SCN9A: variants seen among roughly 807,000 people sequenced by gnomAD.
SCN9A encodes the protein sodium voltage-gated channel alpha subunit 9, also known as sodium channel protein type 9 subunit alpha.
A neutral mutation model predicts 187.0 loss-of-function variants in SCN9A; 131 were observed. That is an observed-to-expected ratio of 0.70 (90% CI 0.61 to 0.81). The LOEUF (loss-of-function observed/expected upper bound fraction) is 0.81, where lower values mean the gene tolerates loss of function less well. Ranked by LOEUF, SCN9A falls within the 30% of genes least tolerant of loss-of-function variation. The pLI, the probability that SCN9A is intolerant of heterozygous loss-of-function variation, is 0.00. For synonymous variants in SCN9A, 809 were observed against 808.6 expected, an observed-to-expected ratio of 1.00 and a Z score of -0.01; for missense variants, 2,252 against 2,396.6, an observed-to-expected ratio of 0.94 and a Z score of 1.26.
At chr2:166,206,747 TA>T (rs1693826254) in intron 24 of SCN9A, among the ~76,000 whole-genome samples, 1 of 152,170 alleles carries the variant, frequency 6.6e-6, no homozygotes, top group Non-Finnish European at 1.5e-5. Flanking sequence ...TTCCTTTACA[TA>T]AAAAATGAAT....
chr2:166,334,929 A>T (rs964282813), intron 1 of SCN9A, among the ~76,000 whole-genome samples: 1 of 152,112 alleles, frequency 6.6e-6, no homozygotes, highest in African/African-American at 2.4e-5. Flanking sequence ...ATGTGATTTT[A>T]TTACTTTCTT....
chr2:166,199,743 C>T lies in SCN9A; in HGVS notation c.4896G>A (p.Thr1632=). 2.5e-6 allele frequency: 4 copies of T among 1,614,082 alleles called. No individual in the cohort carries two copies. Among genetic ancestry groups the T allele is most frequent in the Non-Finnish European group, 3.4e-6 (4 of 1,180,018 alleles). ...GGGACATCATCAAAGCAAAGAGCAG[C>T]GTGCGGATCCCCTTTGCTCCTTTGA... The part of the protein sequence containing the change: ...RLVKGAKGIR[T]LLFALMMSLP... The change falls in exon 27 of 27, where the codon ACG becomes ACA. Residue 1632 remains threonine, a synonymous_variant. Coordinates refer to ENST00000642356, the MANE Select transcript of SCN9A (RefSeq NM_001365536.1).
intron 1 of SCN9A, among the ~76,000 whole-genome samples, chr2:166,359,016 T>A (rs953363364): frequency 6.6e-6 from 1 of 152,212 alleles, no homozygotes; most frequent in African/African-American, 2.4e-5. Context: ...TTAAATAATA[T>A]TTCTTTCAAC....
chr2:166,200,229 C>T (rs536270375), intron 26 of SCN9A, among the ~76,000 whole-genome samples: 1 of 151,104 alleles, frequency 6.6e-6, no homozygotes, highest in East Asian at 1.9e-4. Flanking sequence ...GATCTCCTGA[C>T]CTCGTGATCC....
chr2:166,295,582 A>G (rs1174995222), intron 7 of SCN9A, among the ~76,000 whole-genome samples: 2 of 152,212 alleles, frequency 1.3e-5, no homozygotes, highest in African/African-American at 4.8e-5. Flanking sequence ...CAGTAAAAAA[A>G]TACAGTATTA....
At chr2:166,262,285 A>G (rs1696541774) in intron 17 of SCN9A, among the ~76,000 whole-genome samples, 1 of 152,054 alleles carries the variant, frequency 6.6e-6, no homozygotes, top group African/African-American at 2.4e-5. Context: ...TGTATAAAAT[A>G]TGCATTTAAT....
intron 26 of SCN9A, among the ~76,000 whole-genome samples, chr2:166,202,211 T>G (rs1693571878): frequency 6.6e-6 from 1 of 151,344 alleles, no homozygotes; most frequent in Non-Finnish European, 1.5e-5. Flanking sequence ...TTTTTTTTTT[T>G]GGCTTTACAA....
chr2:166,203,921 C>G (rs111520041), intron 26 of SCN9A, 34 bp downstream of exon 26: 1 of 1,358,916 alleles, frequency 7.4e-7, no homozygotes, highest in African/African-American at 1.5e-5. Flanking sequence ...TAGCTTTACT[C>G]AAAAAATAAA....
intron 14 of SCN9A, 39 bp from the exon 15 acceptor site, chr2:166,278,352 A>C (rs1559004384): frequency 6.8e-7 from 1 of 1,469,356 alleles, no homozygotes. Flanking sequence ...TAATATTAGA[A>C]AACAGGAAAT....
intron 24 of SCN9A, among the ~76,000 whole-genome samples, chr2:166,218,013 G>T (rs1245915264): frequency 6.6e-6 from 1 of 151,894 alleles, no homozygotes; most frequent in Non-Finnish European, 1.5e-5. Context: ...TACTTTTGCT[G>T]CAATTAAAAG....
At chr2:166,326,822 G>A (rs1699374294) in intron 1 of SCN9A, among the ~76,000 whole-genome samples, 1 of 152,156 alleles carries the variant, frequency 6.6e-6, no homozygotes. Context: ...GTAAGCAGAT[G>A]TCATATATTA....
chr2:166,288,829 A>C (rs1019941242), intron 9 of SCN9A, among the ~76,000 whole-genome samples, 186 bp from the exon 10 acceptor site: 1 of 152,304 alleles, frequency 6.6e-6, no homozygotes, highest in Non-Finnish European at 1.5e-5. Context: ...GAATATAGCA[A>C]TGTAATATGC....
rs562966673 is a variant in SCN9A, at chr2:166,308,681, G to T, written c.259-1607C>A. Among the ~76,000 whole-genome samples, 12 of 152,246 alleles carry T rather than the reference G, an allele frequency of 7.9e-5. No individual in the cohort carries two copies. In the East Asian group the frequency reaches 2.3e-3, roughly 30 times the overall value. ...CTCACGCCTGTGTTCCCAGCACTTTGGGAGGCCAAGGTGGGCAGAACACAA... is the reference window on the plus strand; with the variant it reads ...CTCACGCCTGTGTTCCCAGCACTTTTGGAGGCCAAGGTGGGCAGAACACAA... On this transcript the variant is annotated intron_variant, in intron 2 of 26. Coordinates refer to ENST00000642356, the MANE Select transcript of SCN9A (RefSeq NM_001365536.1).
At chr2:166,230,508 C>A (rs1384263946) in intron 21 of SCN9A, among the ~76,000 whole-genome samples, 2 of 152,110 alleles carry the variant, frequency 1.3e-5, no homozygotes, top group Admixed American at 6.6e-5. Context: ...AGTCACTGAC[C>A]AAGCACACCT....
intron 26 of SCN9A, among the ~76,000 whole-genome samples, chr2:166,201,440 T>C (rs1387680256): frequency 1.5e-5 from 2 of 134,902 alleles, no homozygotes; most frequent in African/African-American, 5.3e-5. Flanking sequence ...ATATATAGTA[T>C]AGAGTATGCG....
chr2:166,329,160 T>C (rs929012534), intron 1 of SCN9A, among the ~76,000 whole-genome samples: 1 of 152,158 alleles, frequency 6.6e-6, no homozygotes, highest in Non-Finnish European at 1.5e-5. Context: ...TAAAATGCCA[T>C]CATAATAACT....
rs563899658 is a variant in SCN9A at position 166,301,175 on chromosome 2, C to T, written c.901+1915G>A. On this transcript the variant is annotated intron_variant, in intron 7 of 26. Transcript: ENST00000642356. ...AAATACATGAAGCAATTCCAGAAAGCGATGAATTAAATTAAATTTGATTAA... is the reference window on the plus strand; with the variant it reads ...AAATACATGAAGCAATTCCAGAAAGTGATGAATTAAATTAAATTTGATTAA... The T allele has an allele frequency of 2.8e-5, 4 of 144,594 alleles. No homozygotes were observed. The South Asian group carries it at 6.4e-4, about 23-fold the overall frequency. The allele number at this position is 144,594 out of a possible 1,614,324, so 9.0% of individuals were successfully genotyped here.
intron 1 of SCN9A, among the ~76,000 whole-genome samples, chr2:166,373,650 G>T (rs940940634): frequency 6.6e-6 from 1 of 152,128 alleles, no homozygotes; most frequent in African/African-American, 2.4e-5. Flanking sequence ...TCAATACTTG[G>T]ATGGTGAAGG....
chr2:166,340,609 T>C lies in SCN9A; in HGVS notation c.-50-28803A>G, dbSNP rs866191838. ...TTCTTTCTTTCTTTCTTTCTTTTTC[T>C]TTCTTTCTTTCCTTTCTCTTCTTTC... On this transcript the variant is annotated intron_variant, in intron 1 of 26. Transcript: ENST00000642356. Among the ~76,000 whole-genome samples the C allele has an allele frequency of 1.9e-3, 116 of 61,742 alleles. 1 individual carries two copies. Among genetic ancestry groups the C allele is most frequent in the East Asian group, 3.0e-3 (7 of 2,360 alleles). 40.5% of individuals were successfully genotyped at this position (61,742 alleles called of 152,430 possible).
Sources: allele counts gnomAD v4.1 joint callset (sites outside exome capture counted in the v4.1 genomes callset), GRCh38; gene constraint gnomAD v4.1.1; transcripts MANE v1.5; gene names NCBI Gene and HGNC (gene_info 2026-07-23, HGNC 2026-07-21).